UBE2E2: variants seen among roughly 807,000 people sequenced by gnomAD.
UBE2E2 encodes the protein ubiquitin conjugating enzyme E2 E2, also known as ubiquitin-conjugating enzyme E2 E2.
UBE2E2 carries 6 observed loss-of-function variants against 24.7 expected under a neutral mutation model. That is an observed-to-expected ratio of 0.24 (90% confidence interval 0.13 to 0.48). UBE2E2 has a LOEUF of 0.48. Among genes scored for constraint, UBE2E2 ranks in the 20% least tolerant of loss-of-function variants. The probability of loss-of-function intolerance (pLI) is 0.99; values close to 1 mark genes in which losing one functional copy is unlikely to be tolerated. For synonymous variants in UBE2E2, 104 were observed against 83.6 expected (o/e 1.24, Z -1.33); for missense variants, 169 against 245.0 (o/e 0.69, Z 2.07).
intron 3 of UBE2E2, among the ~76,000 whole-genome samples, chr3:23,240,349 T>C (rs1174516936): frequency 4.6e-5 from 7 of 152,226 alleles, no homozygotes; most frequent in Non-Finnish European, 8.8e-5. Context: ...AATGAAATTT[T>C]TTTTCCTATG....
chr3:23,566,745 C>A (rs544260037), intron 5 of UBE2E2, among the ~76,000 whole-genome samples: 2 of 152,138 alleles, frequency 1.3e-5, no homozygotes, highest in Non-Finnish European at 2.9e-5. Flanking sequence ...GGATCCACCC[C>A]CCTGACCCCA....
chr3:23,455,170 T>A (rs1222685838), intron 3 of UBE2E2, among the ~76,000 whole-genome samples: 1 of 152,166 alleles, frequency 6.6e-6, no homozygotes, highest in Non-Finnish European at 1.5e-5. Flanking sequence ...CAACAATCTA[T>A]AATTAAGCAG....
chr3:23,260,086 G>A (rs1697855502), intron 3 of UBE2E2, among the ~76,000 whole-genome samples: 1 of 152,168 alleles, frequency 6.6e-6, no homozygotes, highest in Non-Finnish European at 1.5e-5. Context: ...TGTCCTAGAT[G>A]TGTATACAAC....
At chr3:23,377,501 G>A (rs1247188412) in intron 3 of UBE2E2, among the ~76,000 whole-genome samples, 1 of 152,222 alleles carries the variant, frequency 6.6e-6, no homozygotes, top group African/African-American at 2.4e-5. Flanking sequence ...CAGTGGCAGA[G>A]CCAGGCCAGA....
At chr3:23,388,549 A>G (rs1248265369) in intron 3 of UBE2E2, among the ~76,000 whole-genome samples, 1 of 152,234 alleles carries the variant, frequency 6.6e-6, no homozygotes, top group East Asian at 1.9e-4. Flanking sequence ...AAATATATGT[A>G]GCATTTTTTC....
Position 23,426,072 on chromosome 3 carries a change from G to T in UBE2E2, c.228-73536G>T, listed in dbSNP as rs556383504. 3.3e-5 allele frequency among the ~76,000 whole-genome samples: 5 copies of T among 152,262 alleles called. No individual in the cohort carries two copies. In the East Asian group the frequency reaches 9.6e-4, roughly 29 times the overall value. The stretch of plus-strand genomic sequence containing the variant: ...TTCTAAGAAAGAATCAAAAAGAAAT[G>T]CCAAAGGTGAAAAACAGTGAAATAA... On this transcript the variant is annotated intron_variant, in intron 3 of 5. Coordinates refer to ENST00000396703, the MANE Select transcript of UBE2E2 (RefSeq NM_152653.4).
intron 4 of UBE2E2, among the ~76,000 whole-genome samples, chr3:23,505,403 G>A (rs1694423338): frequency 6.6e-6 from 1 of 152,144 alleles, no homozygotes; most frequent in Non-Finnish European, 1.5e-5. Context: ...AATTAGGTAG[G>A]TGAGAGAGTC....
At position 23,305,415 on chromosome 3, in the gene UBE2E2, G is replaced by A. The variant is rs1699215142; in HGVS notation, c.227+88103G>A. ...TGCTTTATCAAGAACAAGTGAAGCT[G>A]AATTTTTATTTCTCTTTTAACTGCA... On this transcript the variant is annotated intron_variant, in intron 3 of 5. Transcript: ENST00000396703. 4.6e-5 allele frequency among the ~76,000 whole-genome samples: 7 copies of A among 152,304 alleles called. No individual in the cohort carries two copies. In the South Asian group the frequency reaches 1.4e-3, roughly 32 times the overall value.
At chr3:23,520,961 A>G (rs1431175709) in intron 4 of UBE2E2, among the ~76,000 whole-genome samples, 2 of 152,030 alleles carry the variant, frequency 1.3e-5, no homozygotes, top group Non-Finnish European at 2.9e-5. Context: ...TTTTTATATC[A>G]TGTTTAAATA....
At chr3:23,581,723 T>C (rs1439614099) in intron 5 of UBE2E2, among the ~76,000 whole-genome samples, 6 of 152,248 alleles carry the variant, frequency 3.9e-5, no homozygotes, top group Admixed American at 2.0e-4. Flanking sequence ...AAGATGTGTA[T>C]GTTTTCTTAT....
At chr3:23,524,175 C>T (rs1045504657) in intron 4 of UBE2E2, among the ~76,000 whole-genome samples, 1 of 152,068 alleles carries the variant, frequency 6.6e-6, no homozygotes, top group Non-Finnish European at 1.5e-5. Context: ...TACTTTTAAA[C>T]ATCTTTCTAA....
At chr3:23,443,440 G>A (rs909874794) in intron 3 of UBE2E2, among the ~76,000 whole-genome samples, 18 of 152,188 alleles carry the variant, frequency 1.2e-4, no homozygotes, top group South Asian at 6.2e-4. Context: ...CTGTAGGTTC[G>A]TTCCTGAAAA....
At chr3:23,247,700 A>G (rs998151933) in intron 3 of UBE2E2, among the ~76,000 whole-genome samples, 8 of 152,198 alleles carry the variant, frequency 5.3e-5, no homozygotes, top group African/African-American at 1.2e-4. Flanking sequence ...ACAAAGTACA[A>G]TGAAAGGCAT....
At chr3:23,219,122 A>G (rs1285611687) in intron 3 of UBE2E2, among the ~76,000 whole-genome samples, 1 of 152,160 alleles carries the variant, frequency 6.6e-6, no homozygotes, top group Non-Finnish European at 1.5e-5. Flanking sequence ...TGGATAGCTG[A>G]TAAGTTTGCT....
At chr3:23,385,846 G>T (rs911044622) in intron 3 of UBE2E2, among the ~76,000 whole-genome samples, 1 of 152,128 alleles carries the variant, frequency 6.6e-6, no homozygotes, top group Non-Finnish European at 1.5e-5. Flanking sequence ...CAATAAAGGA[G>T]GACATTCCAA....
intron 2 of UBE2E2, among the ~76,000 whole-genome samples, chr3:23,210,196 C>T (rs1696282175): frequency 6.6e-6 from 1 of 152,066 alleles, no homozygotes; most frequent in African/African-American, 2.4e-5. Flanking sequence ...AGGAGATGTT[C>T]AGGTACAGAT....
intron 3 of UBE2E2, among the ~76,000 whole-genome samples, chr3:23,485,197 C>T (rs1699338525): frequency 6.7e-6 from 1 of 150,042 alleles, no homozygotes; most frequent in Admixed American, 6.7e-5. Context: ...AGGGTTCAAA[C>T]CTCCCAAGTA....
intron 3 of UBE2E2, among the ~76,000 whole-genome samples, chr3:23,486,971 T>C (rs1254101355): frequency 6.6e-6 from 1 of 152,170 alleles, no homozygotes; most frequent in Admixed American, 6.5e-5. Flanking sequence ...ACCTCCCACA[T>C]AGGCACCTGT....
chr3:23,247,437 C>A (rs1044498350), intron 3 of UBE2E2, among the ~76,000 whole-genome samples: 4 of 151,838 alleles, frequency 2.6e-5, no homozygotes, highest in Non-Finnish European at 5.9e-5. Context: ...TCACCAGAAC[C>A]TCTGCCTCCC....
Sources: allele counts gnomAD v4.1 joint callset (sites outside exome capture counted in the v4.1 genomes callset), GRCh38; gene constraint gnomAD v4.1.1; transcripts MANE v1.5; gene names NCBI Gene and HGNC (gene_info 2026-07-23, HGNC 2026-07-21).